ACHE: variants seen among roughly 807,000 people sequenced by gnomAD.
ACHE encodes acetylcholinesterase.
ACHE carries 19 observed loss-of-function variants against 53.9 expected under a neutral mutation model. The observed-to-expected ratio is 0.35, with a 90% CI of 0.25 to 0.52. The LOEUF is 0.52. Ranked by LOEUF, ACHE falls within the 20% of genes least tolerant of loss-of-function variation. ACHE has a pLI of 0.95. For missense variants in ACHE, 605 were observed against 849.4 expected (o/e 0.71, Z 3.58); for synonymous variants, 392 against 378.1 (o/e 1.04, Z -0.43).
chr7:100,890,005 G>T lies in ACHE; in HGVS notation c.*209C>A. On this transcript the variant is annotated 3_prime_UTR_variant, in exon 5 of 5. Transcript: ENST00000241069. ...CGCGCACACTCCCGTGGCTGTAACA[G>T]TTTATTGGCAGCCCAGAGGGGCGAA... The T allele has an allele frequency of 1.8e-6, 1 of 553,658 alleles. No homozygotes were observed. The highest frequency in any genetic ancestry group is 3.2e-6 in the Non-Finnish European group (1 of 316,972). 34.3% of individuals were successfully genotyped at this position (553,658 alleles called of 1,614,324 possible).
rs1011214347 is a variant in ACHE at position 100,892,076 on chromosome 7, C to T, written c.1553+258G>A. Among the ~76,000 whole-genome samples, 4 of 152,226 alleles carry T rather than the reference C, an allele frequency of 2.6e-5. No homozygotes were observed. The highest frequency in any genetic ancestry group is 9.6e-5 in the African/African-American group (4 of 41,554). On this transcript the variant is annotated intron_variant, in intron 3 of 4. Transcript: ENST00000241069. The surrounding 1 kb of genome is among the most constrained non-coding windows in gnomAD (Gnocchi z 5.2). ...GGGCTGGAATTACAGGGGTGAGCCA[C>T]TGTGCCCCGCCCCCTCCATGTCTAC... is the stretch of plus-strand genomic sequence containing the variant.
At position 100,890,134 on chromosome 7, in the gene ACHE, G is replaced by T; in HGVS notation, c.*80C>A. ...TGGGCAGAGTCTGGGGCTCGTCTGT[G>T]TTATAGCCCAGCCCTGAAATAAATA... On this transcript the variant is annotated 3_prime_UTR_variant, in exon 5 of 5. Transcript: ENST00000241069. 6.4e-7 allele frequency: 1 copy of T among 1,553,874 alleles called. No homozygotes were observed.
chr7:100,896,459 G>A (rs1045254009), upstream of ACHE: 12 of 182,712 alleles, frequency 6.6e-5, no homozygotes, highest in Admixed American at 1.3e-4. Flanking sequence ...ACACCTGTGG[G>A]AATGGAGATG....
rs1790791220 is a variant in ACHE at position 100,892,954 on chromosome 7, T to G, written c.1069-136A>C. 1 of 1,264,932 alleles carries G rather than the reference T, an allele frequency of 7.9e-7. No individual in the cohort carries two copies. The highest frequency in any genetic ancestry group is 1.1e-6 in the Non-Finnish European group (1 of 937,686). 78.4% of individuals were successfully genotyped at this position (1,264,932 alleles called of 1,614,324 possible). A position where few individuals can be genotyped will look rare whatever the true frequency, so the allele number is the denominator to read the frequency against. ...AACCATGGACAGAGAGAGGACGAGA[T>G]CAGGGGAGGGATGCAGAGAAAGAGA... On this transcript the variant is annotated intron_variant, in intron 2 of 4. Coordinates refer to ENST00000241069, the MANE Select transcript of ACHE (RefSeq NM_000665.5). The surrounding 1 kb of genome is among the most constrained non-coding windows in gnomAD (Gnocchi z 5.2).
At chr7:100,890,364 AG>A in intron 4 of ACHE, 29 bp from the exon 5 acceptor site, 1 of 1,594,340 alleles carries the variant, frequency 6.3e-7, no homozygotes, top group Non-Finnish European at 8.5e-7. Flanking sequence ...GCGAGGCGGG[AG>A]GGGAGGACGG....
chr7:100,895,164 C>G (rs1466217256), intron 1 of ACHE, among the ~76,000 whole-genome samples: 1 of 152,116 alleles, frequency 6.6e-6, no homozygotes, highest in Non-Finnish European at 1.5e-5. Flanking sequence ...GCTACGGTTC[C>G]GGCATCTCCA....
chr7:100,891,373 C>G (rs768680063), intron 3 of ACHE, 35 bp from the exon 4 acceptor site: 1 of 1,494,274 alleles, frequency 6.7e-7, no homozygotes, highest in Non-Finnish European at 8.9e-7. Context: ...TCCAGACGGG[C>G]AGTGGGAGGA....
intron 4 of ACHE, chr7:100,890,639 T>C: frequency 7.3e-7 from 1 of 1,375,912 alleles, no homozygotes; most frequent in African/African-American, 1.5e-5. Context: ...GAGACAGAAA[T>C]GGTTGACCGT....
chr7:100,890,428 G>C, intron 4 of ACHE, 93 bp from the exon 5 acceptor site: 1 of 1,507,676 alleles, frequency 6.6e-7, no homozygotes. Flanking sequence ...GGGGGTATGA[G>C]TGCAGGGAGG....
chr7:100,894,067 G>T lies in ACHE; in HGVS notation c.166C>A (p.Pro56Thr). 6.4e-7 allele frequency: 1 copy of T among 1,561,552 alleles called. No homozygotes were observed. The change falls in exon 2 of 5, where the codon CCC becomes ACC. Residue 56 changes from proline to threonine, a missense_variant. By Grantham distance (38) the Pro-to-Thr change is conservative. This residue lies in a region of ACHE where 89 missense variants were observed against 78.9 expected (regional missense o/e 1.13). Transcript: ENST00000241069. Reference sequence around the variant, plus strand: ...AGGAAAGCAGAGACAGGGCCCCCGGGGGTCTTCAGGCGAATGCCCCGCAGC... The same window carrying T: ...AGGAAAGCAGAGACAGGGCCCCCGGTGGTCTTCAGGCGAATGCCCCGCAGC... ...GRLRGIRLKT[P>T]GGPVSAFLGI...
chr7:100,895,900 C>G (rs922853692), upstream of ACHE: 3 of 151,548 alleles, frequency 2.0e-5, no homozygotes, highest in African/African-American at 4.8e-5. Flanking sequence ...GCCGCCGCCT[C>G]CGGCCCCCCG....
Position 100,892,584 on chromosome 7 carries a change from C to T in ACHE, c.1303G>A (p.Asp435Asn), listed in dbSNP as rs769372048. Residue 435 changes from aspartate to asparagine, a missense_variant, in exon 3 of 5, where the codon GAC becomes AAC. Asp to Asn is a conservative substitution (Grantham distance 23, BLOSUM62 1). Around this residue, in one of 4 missense-constraint regions of ACHE, gnomAD observed 397 missense variants for 632.5 expected, o/e 0.63. Coordinates refer to ENST00000241069, the MANE Select transcript of ACHE (RefSeq NM_000665.5). The surrounding 1 kb of genome is among the most constrained non-coding windows in gnomAD (Gnocchi z 5.2). ...GCCACGGGGCACACGACATTGTGGTCGCCCACCACATCGCTCAGGGCCTCC... is the reference window on the plus strand; with the variant it reads ...GCCACGGGGCACACGACATTGTGGTTGCCCACCACATCGCTCAGGGCCTCC... ...LREALSDVVG[D>N]HNVVCPVAQL... The T allele has an allele frequency of 1.9e-6, 3 of 1,613,322 alleles. No homozygotes were observed. Among genetic ancestry groups the T allele is most frequent in the Non-Finnish European group, 1.7e-6 (2 of 1,179,882 alleles).
intron 3 of ACHE, 147 bp from the exon 4 acceptor site, chr7:100,891,485 A>G: frequency 1.4e-6 from 1 of 736,240 alleles, no homozygotes; most frequent in Admixed American, 3.7e-5. Context: ...GTGCGCGGTC[A>G]TTGGGGTCTT....
chr7:100,890,093 C>CGGGGT lies in ACHE; in HGVS notation c.*116_*120dup. 2.4e-6 allele frequency: 3 copies of CGGGGT among 1,268,102 alleles called. No homozygotes were observed. Among genetic ancestry groups the CGGGGT allele is most frequent in the South Asian group, 1.5e-5 (1 of 66,200 alleles). The allele number at this position is 1,268,102 out of a possible 1,614,324, so 78.6% of individuals were successfully genotyped here. A position where few individuals can be genotyped will look rare whatever the true frequency, so the allele number is the denominator to read the frequency against. ...GAGGACCGGGAGCCCCGGGGGACGT[C>CGGGGT]GGGGTGGGGTGGGGATGGGCAGAGT... On this transcript the variant is annotated 3_prime_UTR_variant, in exon 5 of 5. Transcript: ENST00000241069.
Position 100,893,351 on chromosome 7 carries a change from A to G in ACHE, c.882T>C (p.Gly294=). ...AGGCTACCAGCTCTGTGTCATTCCC[A>G]CCAGTGCCGCCTGGAGGACAGCCCA... ...HLVGCPPGGT[G]GNDTELVACL... The change falls in exon 2 of 5, where the codon GGT becomes GGC. Residue 294 remains glycine (G), a synonymous_variant. Transcript: ENST00000241069. 6.2e-7 allele frequency: 1 copy of G among 1,613,524 alleles called. No individual in the cohort carries two copies. Among genetic ancestry groups the G allele is most frequent in the Non-Finnish European group, 8.5e-7 (1 of 1,179,948 alleles).
chr7:100,893,937 A>G lies in ACHE; in HGVS notation c.296T>C (p.Val99Ala). The change falls in exon 2 of 5, where the codon GTC becomes GCC. Residue 99 changes from valine to alanine, a missense_variant. This residue lies in a region of ACHE where 397 missense variants were observed against 632.5 expected (regional missense o/e 0.63). Coordinates refer to ENST00000241069, the MANE Select transcript of ACHE (RefSeq NM_000665.5). ...TAGGGTGTCCACATATTGGTAGCAG[A>G]CACTCTGGAAGGTTGTAGCGTCTAC... ...GVVDATTFQSVCYQYVDTLYP... is the reference protein window; with the variant it reads ...GVVDATTFQSACYQYVDTLYP... 1.2e-6 allele frequency: 2 copies of G among 1,604,306 alleles called. No homozygotes were observed. The highest frequency in any genetic ancestry group is 2.2e-5 in the South Asian group (2 of 90,268).
rs745858160 is a variant in ACHE at position 100,893,832 on chromosome 7, G to A, written c.401C>T (p.Thr134Ile). The A allele has an allele frequency of 1.2e-6, 2 of 1,612,486 alleles. No homozygotes were observed. Among genetic ancestry groups the A allele is most frequent in the African/African-American group, 1.3e-5 (1 of 74,876 alleles). Residue 134 changes from threonine to isoleucine, a missense_variant, in exon 2 of 5, where the codon ACA becomes ATA. Physicochemically the swap from Thr to Ile is moderately conservative, Grantham distance 89. Coordinates refer to ENST00000241069, the MANE Select transcript of ACHE (RefSeq NM_000665.5). ...SEDCLYLNVW[T>I]PYPRPTSPTP... is the part of the protein sequence containing the mutation. ...GGGGGATGTAGGCCGGGGGTATGGTGTCCACACGTTGAGGTACAGGCAGTC... is the reference window on the plus strand; with the variant it reads ...GGGGGATGTAGGCCGGGGGTATGGTATCCACACGTTGAGGTACAGGCAGTC...
At chr7:100,890,981 G>A in intron 4 of ACHE, 188 bp downstream of exon 4, 1 of 1,461,808 alleles carries the variant, frequency 6.8e-7, no homozygotes, top group Non-Finnish European at 9.0e-7. Flanking sequence ...AGGTGGGAGA[G>A]GAAGAGGAGG....
At position 100,892,333 on chromosome 7, in the gene ACHE, C is replaced by A. The variant is rs1790749307; in HGVS notation, c.1553+1G>T. On this transcript the variant is annotated splice_donor_variant, in intron 3 of 4. Transcript: ENST00000241069. LOFTEE classifies it high-confidence loss of function. The surrounding 1 kb of genome is among the most constrained non-coding windows in gnomAD (Gnocchi z 5.2). ...GCCTTCTCTCCCTCTGCACTGCTGA[C>A]CCTGTGCGGGCAAAGTTGGCCCAGT... 1 of 1,512,968 alleles carries A rather than the reference C, an allele frequency of 6.6e-7. No individual in the cohort carries two copies. The highest frequency in any genetic ancestry group is 8.9e-7 in the Non-Finnish European group (1 of 1,129,062). The allele number at this position is 1,512,968 out of a possible 1,614,324, so 93.7% of individuals were successfully genotyped here.
Sources: allele counts gnomAD v4.1 joint callset (sites outside exome capture counted in the v4.1 genomes callset), GRCh38; gene constraint gnomAD v4.1.1; regional missense constraint gnomAD v4.1.1; non-coding constraint Gnocchi (gnomAD v3.1); transcripts MANE v1.5; gene names NCBI Gene and HGNC (gene_info 2026-07-23, HGNC 2026-07-21).